The following SPIDR variants were observed in gnomAD, a reference collection of about 807,000 sequenced individuals.
The protein encoded by SPIDR is scaffold protein involved in DNA repair.
Under a neutral mutation model 104.6 loss-of-function variants are expected in SPIDR, and 93 were observed. The ratio of observed to expected loss-of-function variants is 0.89; its 90% CI spans 0.75 to 1.06. SPIDR has a LOEUF of 1.06. SPIDR is among the 50% of genes least tolerant of loss of function. SPIDR has a pLI of 0.00. For missense variants in SPIDR, 1,154 were observed against 1,111.2 expected, an observed-to-expected ratio of 1.04 and a Z score of -0.55; for synonymous variants, 431 against 416.9, an observed-to-expected ratio of 1.03 and a Z score of -0.41.
chr8:47,678,577 A>G (rs1190990065), intron 11 of SPIDR, among the ~76,000 whole-genome samples: 2 of 152,216 alleles, frequency 1.3e-5, no homozygotes, highest in Non-Finnish European at 2.9e-5. Flanking sequence ...CAGAGAGCGG[A>G]GGCTCAGAGC....
At chr8:47,388,137 A>G (rs2060169832) in intron 5 of SPIDR, among the ~76,000 whole-genome samples, 1 of 152,030 alleles carries the variant, frequency 6.6e-6, no homozygotes, top group African/African-American at 2.4e-5. Flanking sequence ...CTCTTCCACT[A>G]TGTCTGCTGG....
chr8:47,450,532 A>G (rs2071517135), intron 8 of SPIDR, among the ~76,000 whole-genome samples: 1 of 152,226 alleles, frequency 6.6e-6, no homozygotes, highest in Admixed American at 6.5e-5. Flanking sequence ...TTGTGCTCAA[A>G]TAAGTTTGGA....
chr8:47,555,742 G>A (rs1205844968), intron 8 of SPIDR, among the ~76,000 whole-genome samples: 1 of 152,162 alleles, frequency 6.6e-6, no homozygotes, highest in Non-Finnish European at 1.5e-5. Flanking sequence ...TCAATGGCCA[G>A]TGAGACATTC....
chr8:47,346,051 A>T (rs1304093068), intron 5 of SPIDR, among the ~76,000 whole-genome samples: 1 of 152,186 alleles, frequency 6.6e-6, no homozygotes, highest in Non-Finnish European at 1.5e-5. Flanking sequence ...CAGTTTTCAA[A>T]GGGAATGCTT....
chr8:47,357,111 A>G (rs1235562416), intron 5 of SPIDR, among the ~76,000 whole-genome samples: 1 of 152,184 alleles, frequency 6.6e-6, no homozygotes, highest in African/African-American at 2.4e-5. Context: ...GTTTAAGTTG[A>G]GTGCTTGTGT....
In SPIDR at chr8:47,401,331, A is replaced by C. The variant is rs1298256666; in HGVS notation, c.776+4705A>C. On this transcript the variant is annotated intron_variant, in intron 6 of 19. Coordinates refer to ENST00000297423, the MANE Select transcript of SPIDR (RefSeq NM_001080394.4). Reference sequence around the variant, plus strand: ...CTGCCTTACAAGAGCTCCTGAAGAAAGCACTAAACATGGAAAGGAGCAACT... The same window carrying C: ...CTGCCTTACAAGAGCTCCTGAAGAACGCACTAAACATGGAAAGGAGCAACT... Among the ~76,000 whole-genome samples, 7 of 152,232 alleles carry C rather than the reference A, an allele frequency of 4.6e-5. No individual in the cohort carries two copies. In the East Asian group the frequency reaches 1.3e-3, roughly 29 times the overall value.
At chr8:47,451,988 A>AC (rs2071850644) in intron 8 of SPIDR, among the ~76,000 whole-genome samples, 1 of 152,164 alleles carries the variant, frequency 6.6e-6, no homozygotes, top group Admixed American at 6.5e-5. Flanking sequence ...ACCACTTGAA[A>AC]GGCTAATTTG....
At chr8:47,294,127 C>T (rs1335909933) in intron 5 of SPIDR, 97 bp downstream of exon 5, 17 of 1,456,026 alleles carry the variant, frequency 1.2e-5, no homozygotes, top group African/African-American at 5.7e-5. Context: ...TGTCCTTCCT[C>T]GAGAACAACC....
At chr8:47,502,318 G>T (rs981142658) in intron 8 of SPIDR, among the ~76,000 whole-genome samples, 8 of 152,102 alleles carry the variant, frequency 5.3e-5, no homozygotes, top group Non-Finnish European at 8.8e-5. Flanking sequence ...CAATTTCAGA[G>T]CCTGTTATTG....
intron 8 of SPIDR, among the ~76,000 whole-genome samples, chr8:47,525,525 G>A (rs1392338659): frequency 3.7e-5 from 2 of 53,584 alleles, no homozygotes; most frequent in Admixed American, 2.7e-4. Flanking sequence ...TCACAGCTGG[G>A]CGCGGTGGCT....
intron 3 of SPIDR, among the ~76,000 whole-genome samples, chr8:47,288,101 T>C (rs2039208997): frequency 6.6e-6 from 1 of 152,230 alleles, no homozygotes. Flanking sequence ...GTCCCTGACT[T>C]CCTGCAACAC....
At chr8:47,351,614 C>T (rs926548678) in intron 5 of SPIDR, among the ~76,000 whole-genome samples, 1 of 152,124 alleles carries the variant, frequency 6.6e-6, no homozygotes, top group Non-Finnish European at 1.5e-5. Context: ...GTTAGCCCTC[C>T]ATATCCATGG....
intron 5 of SPIDR, among the ~76,000 whole-genome samples, chr8:47,361,875 A>C (rs1211164531): frequency 6.6e-6 from 1 of 152,200 alleles, no homozygotes; most frequent in African/African-American, 2.4e-5. Flanking sequence ...TCATGATGAA[A>C]GTTAGGGATG....
intron 8 of SPIDR, among the ~76,000 whole-genome samples, chr8:47,502,619 T>C (rs2080711736): frequency 6.6e-6 from 1 of 152,224 alleles, no homozygotes; most frequent in East Asian, 1.9e-4. Flanking sequence ...TGAAGGGTTT[T>C]TCGTGTCTCT....
chr8:47,485,527 G>C (rs2077465088), intron 8 of SPIDR, among the ~76,000 whole-genome samples: 1 of 152,224 alleles, frequency 6.6e-6, no homozygotes, highest in Non-Finnish European at 1.5e-5. Flanking sequence ...CACAGAGTCT[G>C]AGATCTGAGA....
At chr8:47,577,667 C>T (rs1201060318) in intron 8 of SPIDR, among the ~76,000 whole-genome samples, 1 of 152,160 alleles carries the variant, frequency 6.6e-6, no homozygotes, top group Non-Finnish European at 1.5e-5. Flanking sequence ...CCCTTGTAGA[C>T]ATCTAGGAAC....
At position 47,440,430 on chromosome 8, in the gene SPIDR, T is replaced by A; in HGVS notation, c.985T>A (p.Ser329Thr). ...ATTGGGGTCACCAGCCACCAGCTCC[T>A]CCCAAAGTGTGGCTCCCAGGCCTGG... Reference protein sequence around the residue: ...QLLGSPATSSSQSVAPRPGAG... With the variant: ...QLLGSPATSSTQSVAPRPGAG... Residue 329 changes from serine to threonine, a missense_variant, in exon 8 of 20, where the codon TCC becomes ACC. By Grantham distance (58) the Ser-to-Thr change is moderately conservative (BLOSUM62 1). Coordinates refer to ENST00000297423, the MANE Select transcript of SPIDR (RefSeq NM_001080394.4). The A allele has an allele frequency of 1.2e-6, 2 of 1,614,220 alleles. No individual in the cohort carries two copies. The highest frequency in any genetic ancestry group is 1.7e-6 in the Non-Finnish European group (2 of 1,180,026).
In SPIDR at chr8:47,588,322, C is replaced by CT. The variant is rs764362860; in HGVS notation, c.1098-7476dup. 3.9e-3 allele frequency among the ~76,000 whole-genome samples: 512 copies of CT among 132,696 alleles called. 3 individuals carry two copies. The highest frequency in any genetic ancestry group is 0.01 in the African/African-American group (378 of 36,720). 87.1% of individuals were successfully genotyped at this position (132,696 alleles called of 152,430 possible). A position where few individuals can be genotyped will look rare whatever the true frequency, so the allele number is the denominator to read the frequency against. ...TCACACTGACATGGGTTATTTTGGT[C>CT]TTTTTTTTTTTTTAGTTTTACAATT... On this transcript the variant is annotated intron_variant, in intron 8 of 19. Transcript: ENST00000297423.
intron 16 of SPIDR, among the ~76,000 whole-genome samples, chr8:47,714,961 G>C (rs1248006892): frequency 6.6e-6 from 1 of 152,162 alleles, no homozygotes; most frequent in Non-Finnish European, 1.5e-5. Flanking sequence ...CTATAACTCA[G>C]TAATACCCTA....
Sources: gnomAD v4.1 joint callset for allele counts (sites outside exome capture counted in the v4.1 genomes callset) on GRCh38, gnomAD v4.1.1 for gene constraint, MANE v1.5 for transcripts, NCBI Gene and HGNC (gene_info 2026-07-23, HGNC 2026-07-21) for gene names.